The following BPNT1 variants were observed in gnomAD, a reference collection of about 807,000 sequenced individuals.
BPNT1 encodes the protein 3'(2'), 5'-bisphosphate nucleotidase 1.
In BPNT1, 28 loss-of-function variants were observed where a neutral mutation model predicts 36.9. That is an observed-to-expected ratio of 0.76 (90% confidence interval 0.56 to 1.04). BPNT1 has a LOEUF of 1.04. BPNT1 is among the 50% of genes least tolerant of loss of function. BPNT1 has a pLI of 0.00. For synonymous variants in BPNT1, 119 were observed against 130.9 expected, an observed-to-expected ratio of 0.91 and a Z score of 0.62; for missense variants, 313 against 372.9, an observed-to-expected ratio of 0.84 and a Z score of 1.32.
intron 3 of BPNT1, among the ~76,000 whole-genome samples, 170 bp downstream of exon 3, chr1:220,073,797 T>TA (rs1389965050): frequency 6.6e-6 from 1 of 152,198 alleles, no homozygotes; most frequent in Non-Finnish European, 1.5e-5. Flanking sequence ...CAAAATGTCT[T>TA]AAAATCAGAT....
chr1:220,076,669 G>C (rs1168298150), intron 2 of BPNT1, among the ~76,000 whole-genome samples: 2 of 148,974 alleles, frequency 1.3e-5, no homozygotes, highest in Non-Finnish European at 3.0e-5. Flanking sequence ...TGGGCAACAA[G>C]AGTGAAACTC....
At chr1:220,074,669 G>A (rs540656618) in intron 2 of BPNT1, among the ~76,000 whole-genome samples, 114 of 151,160 alleles carry the variant, frequency 7.5e-4, no homozygotes, top group South Asian at 2.5e-3. Flanking sequence ...CTAATTTTTT[G>A]TATCTTAGTA....
intron 6 of BPNT1, 27 bp downstream of exon 6, chr1:220,067,275 A>T (rs1663621652): frequency 1.4e-6 from 2 of 1,419,492 alleles, no homozygotes; most frequent in African/African-American, 2.9e-5. Flanking sequence ...ATCTAATGAA[A>T]TTACTTTGTA....
chr1:220,061,533 C>CAAA (rs533686309), intron 7 of BPNT1, among the ~76,000 whole-genome samples: 4 of 78,238 alleles, frequency 5.1e-5, no homozygotes, highest in African/African-American at 1.1e-4. Context: ...GACTCCGTCT[C>CAAA]AAAAAAAAAA....
At chr1:220,076,915 A>G (rs1235681897) in intron 2 of BPNT1, among the ~76,000 whole-genome samples, 1 of 152,032 alleles carries the variant, frequency 6.6e-6, no homozygotes, top group Non-Finnish European at 1.5e-5. Context: ...CTTTTCTCAG[A>G]GGTTGCAACT....
chr1:220,063,886 T>C (rs1206555354), intron 6 of BPNT1, among the ~76,000 whole-genome samples: 1 of 152,146 alleles, frequency 6.6e-6, no homozygotes, highest in Non-Finnish European at 1.5e-5. Flanking sequence ...GTTATAACTA[T>C]ACACTTGATA....
intron 1 of BPNT1, among the ~76,000 whole-genome samples, chr1:220,080,871 T>C (rs73096563): frequency 0.056 from 8,570 of 152,306 alleles, 277 homozygotes; most frequent in East Asian, 0.11. Context: ...TAACAAATTA[T>C]AATGAAGACC....
intron 7 of BPNT1, among the ~76,000 whole-genome samples, chr1:220,060,205 G>C (rs1343621783): frequency 6.6e-6 from 1 of 152,128 alleles, no homozygotes; most frequent in South Asian, 2.1e-4. Context: ...GCTGCGCATG[G>C]TGGCTCACTC....
intron 4 of BPNT1, 48 bp downstream of exon 4, chr1:220,072,802 G>T: frequency 3.4e-6 from 5 of 1,473,458 alleles, no homozygotes; most frequent in East Asian, 2.3e-5. Context: ...CTTTACTATG[G>T]CAAAAAGCCC....
Position 220,074,015 on chromosome 1 carries a change from A to G in BPNT1, c.177T>C (p.Cys59=). The G allele has an allele frequency of 6.2e-7, 1 of 1,614,178 alleles. No homozygotes were observed. The highest frequency in any genetic ancestry group is 8.5e-7 in the Non-Finnish European group (1 of 1,180,020). The part of the protein sequence containing the change: ...KADRLAQMSI[C]SSLARKFPKL... ...TGGGGAATTTCCGGGCCAATGAAGA[A>G]CATATGCTCATCTGTGCCAATCGGT... The change falls in exon 3 of 9, where the codon TGT becomes TGC. Residue 59 remains cysteine (C), a synonymous_variant. Transcript: ENST00000322067.
intron 6 of BPNT1, among the ~76,000 whole-genome samples, chr1:220,064,739 G>A (rs61830428): frequency 2.1e-4 from 32 of 152,308 alleles, no homozygotes; most frequent in African/African-American, 7.7e-4. Flanking sequence ...ATATGTTAAT[G>A]TGCTTCCTCT....
intron 6 of BPNT1, chr1:220,066,205 A>C (rs1663517874): frequency 1.1e-6 from 1 of 916,748 alleles, no homozygotes; most frequent in Admixed American, 2.7e-5. Context: ...TTCTTGATGA[A>C]AGGTACCGTG....
intron 6 of BPNT1, among the ~76,000 whole-genome samples, chr1:220,065,139 T>G (rs1177106831): frequency 6.6e-6 from 1 of 152,152 alleles, no homozygotes; most frequent in Non-Finnish European, 1.5e-5. Flanking sequence ...AGTTCTCCAG[T>G]TATTCTGGAA....
intron 1 of BPNT1, among the ~76,000 whole-genome samples, chr1:220,089,178 G>A (rs562017152): frequency 6.6e-6 from 1 of 151,132 alleles, no homozygotes; most frequent in East Asian, 2.0e-4. Context: ...GAAAGAAGAA[G>A]AGTTTGTCCT....
At chr1:220,070,372 G>A (rs544014479) in intron 4 of BPNT1, among the ~76,000 whole-genome samples, 1 of 151,392 alleles carries the variant, frequency 6.6e-6, no homozygotes, top group East Asian at 2.0e-4. Flanking sequence ...TTGAGACAGA[G>A]TCTCACTCTG....
intron 2 of BPNT1, among the ~76,000 whole-genome samples, chr1:220,078,538 ATATAT>A (rs1435167483): frequency 3.5e-5 from 5 of 142,430 alleles, no homozygotes; most frequent in East Asian, 2.0e-4. Context: ...ATTACATTAT[ATATAT>A]TATAATTATA....
intron 4 of BPNT1, among the ~76,000 whole-genome samples, chr1:220,070,767 A>C (rs1663993498): frequency 6.6e-6 from 1 of 150,492 alleles, no homozygotes; most frequent in Non-Finnish European, 1.5e-5. Flanking sequence ...TGGCCCCAGC[A>C]CCATCTCTTA....
intron 1 of BPNT1, among the ~76,000 whole-genome samples, chr1:220,088,943 C>CA (rs1014373879): frequency 6.7e-5 from 10 of 148,368 alleles, no homozygotes; most frequent in African/African-American, 1.2e-4. Flanking sequence ...ACTAAAAATA[C>CA]AAAAAAAATT....
At chr1:220,066,555 A>G (rs1388776836) in intron 6 of BPNT1, among the ~76,000 whole-genome samples, 1 of 152,228 alleles carries the variant, frequency 6.6e-6, no homozygotes, top group Non-Finnish European at 1.5e-5. Flanking sequence ...TTGTTTCTCT[A>G]AAGTTCTATC....
Sources: gnomAD v4.1 joint callset for allele counts (sites outside exome capture counted in the v4.1 genomes callset) on GRCh38, gnomAD v4.1.1 for gene constraint, MANE v1.5 for transcripts, NCBI Gene and HGNC (gene_info 2026-07-23, HGNC 2026-07-21) for gene names.